Variants in CC2D1A observed in about 807,000 individuals in gnomAD.
CC2D1A encodes coiled-coil and C2 domain containing 1A, also known as coiled-coil and C2 domain-containing protein 1A.
In CC2D1A, 68 loss-of-function variants were observed where a neutral mutation model predicts 123.8. The observed-to-expected ratio is 0.55, with a 90% confidence interval of 0.45 to 0.67. The LOEUF is 0.67. Among genes scored for constraint, CC2D1A ranks in the 30% least tolerant of loss-of-function variants. CC2D1A has a pLI of 0.00. For missense variants in CC2D1A, 1,185 were observed against 1,290.3 expected, an observed-to-expected ratio of 0.92 and a Z score of 1.25; for synonymous variants, 477 against 528.0, an observed-to-expected ratio of 0.90 and a Z score of 1.32.
chr19:13,930,482 AGACAATCAGCG>A lies in CC2D1A; in HGVS notation c.*95_*105del. 1 of 1,420,462 alleles carries A rather than the reference AGACAATCAGCG, an allele frequency of 7.0e-7. No homozygotes were observed. The highest frequency in any genetic ancestry group is 1.4e-5 in the South Asian group (1 of 72,278). The allele number at this position is 1,420,462 out of a possible 1,614,324, so 88.0% of individuals were successfully genotyped here. On this transcript the variant is annotated 3_prime_UTR_variant, in exon 29 of 29. Transcript: ENST00000318003. This position sits in a 1 kb window ranked among gnomAD's most constrained non-coding sequence, Gnocchi z 6.8. ...CGACACAGCCACGAACCAGACAAGC[AGACAATCAGCG>A]GACAATCGGTTCTGGACTCACCCCT...
At chr19:13,917,528 G>A (rs1460101168) in intron 6 of CC2D1A, among the ~76,000 whole-genome samples, 1 of 152,166 alleles carries the variant, frequency 6.6e-6, no homozygotes, top group Non-Finnish European at 1.5e-5. Context: ...CAGATCACTT[G>A]AGGTCAGGAG....
chr19:13,930,116 A>C lies in CC2D1A; in HGVS notation c.2749A>C (p.Thr917Pro). 2 of 1,611,692 alleles carry C rather than the reference A, an allele frequency of 1.2e-6. No homozygotes were observed. Among genetic ancestry groups the C allele is most frequent in the South Asian group, 2.2e-5 (2 of 91,034 alleles). The part of the protein sequence containing the change: ...AQLERQLQFY[T>P]EAARRLGNDG... ...GCTGGAGCGGCAGCTGCAGTTCTAC[A>C]CGGAGGCTGCCCGGCGCCTGGGCAA... Residue 917 changes from threonine to proline, a missense_variant, in exon 27 of 29, where the codon ACG becomes CCG. By Grantham distance (38) the Thr-to-Pro change is conservative. Transcript: ENST00000318003. The surrounding 1 kb of genome is among the most constrained non-coding windows in gnomAD (Gnocchi z 6.8).
At chr19:13,911,932 G>T (rs1971015140) in intron 2 of CC2D1A, among the ~76,000 whole-genome samples, 1 of 152,084 alleles carries the variant, frequency 6.6e-6, no homozygotes, top group South Asian at 2.1e-4. Flanking sequence ...AGCCAGGATG[G>T]TCTCGATCTC....
intron 17 of CC2D1A, among the ~76,000 whole-genome samples, chr19:13,925,954 A>ATGTG: frequency 1.5e-5 from 2 of 130,994 alleles, no homozygotes; most frequent in African/African-American, 3.3e-5. Context: ...ATATATATAT[A>ATGTG]TATATACACG....
chr19:13,907,916 A>C (rs546978931), intron 1 of CC2D1A, among the ~76,000 whole-genome samples: 1 of 152,306 alleles, frequency 6.6e-6, no homozygotes, highest in Admixed American at 6.5e-5. Context: ...ATATGGTTAA[A>C]CACGATGTTA....
At chr19:13,911,779 G>A (rs947794435) in intron 2 of CC2D1A, among the ~76,000 whole-genome samples, 1 of 143,938 alleles carries the variant, frequency 6.9e-6, no homozygotes, top group African/African-American at 2.7e-5. Context: ...ACAGTGGCGC[G>A]ATCTTGGCTC....
chr19:13,912,378 G>A lies in CC2D1A; in HGVS notation c.252G>A (p.Pro84=), dbSNP rs7250180. The stretch of plus-strand genomic sequence containing the variant: ...TGGCCAGCCTGTGCATGAGAGACCC[G>A]GATGAGGATGAGGAGGAGGGGACGG... ...EKMASLCMRD[P]DEDEEEGTDE... The change falls in exon 3 of 29, where the codon CCG becomes CCA. Residue 84 remains proline, a synonymous_variant. Transcript: ENST00000318003. The A allele has an allele frequency of 0.018, 28,877 of 1,613,230 alleles. 3,645 individuals carry two copies. In the African/African-American group the frequency reaches 0.3, roughly 17 times the overall value.
In CC2D1A at chr19:13,913,303, G is replaced by A. The variant is rs746530626; in HGVS notation, c.513+1G>A. 2 of 1,611,734 alleles carry A rather than the reference G, an allele frequency of 1.2e-6. No homozygotes were observed. Among genetic ancestry groups the A allele is most frequent in the Non-Finnish European group, 1.7e-6 (2 of 1,178,746 alleles). On this transcript the variant is annotated splice_donor_variant, in intron 5 of 28. Coordinates refer to ENST00000318003, the MANE Select transcript of CC2D1A (RefSeq NM_017721.5). LOFTEE classifies it high-confidence loss of function. ...GCGGCGCTACGATCGGGGGCTTAAA[G>A]TAAGTGGGCAGAGGGCAGGGTACAG...
chr19:13,913,226 T>C lies in CC2D1A; in HGVS notation c.437T>C (p.Leu146Pro). The change falls in exon 5 of 29, where the codon CTC becomes CCC. Residue 146 changes from leucine (L) to proline (P), a missense_variant. Transcript: ENST00000318003. ...LETTLQERLA[L>P]YQTAIESARQ... is the part of the protein sequence containing the mutation. ...ACCACCTTGCAGGAGAGGCTGGCGCTCTATCAGACAGCAATTGAAAGCGCC... is the reference window on the plus strand; with the variant it reads ...ACCACCTTGCAGGAGAGGCTGGCGCCCTATCAGACAGCAATTGAAAGCGCC... 1.2e-6 allele frequency: 2 copies of C among 1,613,384 alleles called. No homozygotes were observed. Among genetic ancestry groups the C allele is most frequent in the South Asian group, 2.2e-5 (2 of 91,060 alleles).
chr19:13,918,534 C>CG lies in CC2D1A; in HGVS notation c.908dup (p.Glu304Ter). ...TGATGCTGTCTTGGAGGCCCTGAGC[C>CG]GGGGTGAGCCCGTGGACCTCTCCTG... On this transcript the variant is annotated frameshift_variant, in exon 8 of 29. Coordinates refer to ENST00000318003, the MANE Select transcript of CC2D1A (RefSeq NM_017721.5). LOFTEE classifies it high-confidence loss of function. The CG allele has an allele frequency of 6.2e-7, 1 of 1,613,880 alleles. No homozygotes were observed.
In CC2D1A at chr19:13,920,743, C is replaced by T; in HGVS notation, c.1469-7C>T. 1.9e-6 allele frequency: 3 copies of T among 1,612,892 alleles called. No homozygotes were observed. The South Asian group carries it at 3.3e-5, about 18-fold the overall frequency. On this transcript the variant is annotated splice_region_variant and splice_polypyrimidine_tract_variant and intron_variant, in intron 13 of 28. Coordinates refer to ENST00000318003, the MANE Select transcript of CC2D1A (RefSeq NM_017721.5). ...GGCAGCACCCATAGCAGCTCCTATGCCCACAGCCCAGCAGCAGCTGGCCTT... is the reference window on the plus strand; with the variant it reads ...GGCAGCACCCATAGCAGCTCCTATGTCCACAGCCCAGCAGCAGCTGGCCTT...
chr19:13,921,845 G>C (rs888059170), intron 14 of CC2D1A, among the ~76,000 whole-genome samples: 1 of 152,164 alleles, frequency 6.6e-6, no homozygotes, highest in African/African-American at 2.4e-5. Context: ...CTCGAAACTA[G>C]CCTGGGAAAC....
At position 13,918,602 on chromosome 19, in the gene CC2D1A, C is replaced by T. The variant is rs2145329041; in HGVS notation, c.946+26C>T. 3.1e-6 allele frequency: 5 copies of T among 1,610,064 alleles called. No individual in the cohort carries two copies. The East Asian group carries it at 8.9e-5, about 29-fold the overall frequency. On this transcript the variant is annotated intron_variant, in intron 8 of 28. Coordinates refer to ENST00000318003, the MANE Select transcript of CC2D1A (RefSeq NM_017721.5). Reference sequence around the variant, plus strand: ...GTGAGAACCCTGCCATGCCCACTCTCTGGGATGGTTTCAGGCATACACTAA... The same window carrying T: ...GTGAGAACCCTGCCATGCCCACTCTTTGGGATGGTTTCAGGCATACACTAA...
rs1465581718 is a variant in CC2D1A at position 13,923,959 on chromosome 19, T to A, written c.1940+148T>A. ...AAGAGCACAGAGCATGCAAAGGCTC[T>A]GGGGCAGGCATGAGATACAAGTGAA... On this transcript the variant is annotated intron_variant, in intron 17 of 28. Coordinates refer to ENST00000318003, the MANE Select transcript of CC2D1A (RefSeq NM_017721.5). The surrounding 1 kb of genome is among the most constrained non-coding windows in gnomAD (Gnocchi z 5.3). 1.6e-6 allele frequency: 1 copy of A among 633,996 alleles called. No homozygotes were observed. Among genetic ancestry groups the A allele is most frequent in the African/African-American group, 1.8e-5 (1 of 54,544 alleles). 39.3% of individuals were successfully genotyped at this position (633,996 alleles called of 1,614,324 possible). A position where few individuals can be genotyped will look rare whatever the true frequency, so the allele number is the denominator to read the frequency against.
Position 13,930,237 on chromosome 19 carries a change from C to G in CC2D1A, c.2788-5C>G, listed in dbSNP as rs766674852. 1.6e-5 allele frequency: 26 copies of G among 1,613,790 alleles called. No individual in the cohort carries two copies. Among genetic ancestry groups the G allele is most frequent in the Admixed American group, 1.7e-5 (1 of 59,990 alleles). On this transcript the variant is annotated splice_polypyrimidine_tract_variant and splice_region_variant and intron_variant, in intron 27 of 28. Transcript: ENST00000318003. This position sits in a 1 kb window ranked among gnomAD's most constrained non-coding sequence, Gnocchi z 6.8. ...GACTACCTGCTGAATGCCCATCCCC[C>G]ACAGGATGCTGCAAAGGAGGCGCTC...
intron 24 of CC2D1A, among the ~76,000 whole-genome samples, chr19:13,929,160 T>C (rs907840227): frequency 5.3e-5 from 8 of 151,360 alleles, no homozygotes; most frequent in Non-Finnish European, 8.8e-5. Flanking sequence ...CACACCACCA[T>C]GCCCAGCTAA....
rs1168001910 is a variant in CC2D1A, at chr19:13,930,207, G to A, written c.2788-35G>A. 1 of 1,613,772 alleles carries A rather than the reference G, an allele frequency of 6.2e-7. No homozygotes were observed. Among genetic ancestry groups the A allele is most frequent in the East Asian group, 2.2e-5 (1 of 44,860 alleles). On this transcript the variant is annotated intron_variant, in intron 27 of 28. Transcript: ENST00000318003. The surrounding 1 kb of genome is among the most constrained non-coding windows in gnomAD (Gnocchi z 6.8). ...CTGGGCAGCGGGCAGGGTGGGGCCT[G>A]CAGGGACTACCTGCTGAATGCCCAT... is the stretch of plus-strand genomic sequence containing the variant.
Position 13,918,570 on chromosome 19 carries a change from C to A in CC2D1A, c.940C>A (p.Pro314Thr), listed in dbSNP as rs765356081. The change falls in exon 8 of 29, where the codon CCA (proline) becomes ACA (threonine). Residue 314 changes from proline to threonine, a missense_variant. Pro to Thr is a conservative substitution (Grantham distance 38). Transcript: ENST00000318003. ...CGTGGACCTCTCCTGCCTGCCCCCT[C>A]CACCCGGTGAGAACCCTGCCATGCC... ...EPVDLSCLPP[P>T]PDQLPPDPPS... 1 of 1,613,478 alleles carries A rather than the reference C, an allele frequency of 6.2e-7. No homozygotes were observed. Among genetic ancestry groups the A allele is most frequent in the Non-Finnish European group, 8.5e-7 (1 of 1,179,902 alleles).
intron 2 of CC2D1A, among the ~76,000 whole-genome samples, chr19:13,910,214 C>T (rs997584366): frequency 6.7e-6 from 1 of 148,194 alleles, no homozygotes; most frequent in Non-Finnish European, 1.5e-5. Context: ...CCGGCTAACA[C>T]GGTGAAACTC....
Sources: gnomAD v4.1 joint callset for allele counts (sites outside exome capture counted in the v4.1 genomes callset) on GRCh38, gnomAD v4.1.1 for gene constraint, Gnocchi (gnomAD v3.1) non-coding constraint, MANE v1.5 for transcripts, NCBI Gene and HGNC (gene_info 2026-07-23, HGNC 2026-07-21) for gene names.